The following KCNC2 variants were observed in gnomAD, a reference collection of about 807,000 sequenced individuals.
The protein encoded by KCNC2 is potassium voltage-gated channel subfamily C member 2.
Under a neutral mutation model 44.5 loss-of-function variants are expected in KCNC2, and 21 were observed. The ratio of observed to expected loss-of-function variants is 0.47; its 90% CI spans 0.33 to 0.68. The LOEUF is 0.68. Among genes scored for constraint, KCNC2 ranks in the 30% least tolerant of loss-of-function variants. The pLI is 0.01. For synonymous variants in KCNC2, 391 were observed against 339.1 expected (o/e 1.15, Z -1.68); for missense variants, 589 against 826.2 (o/e 0.71, Z 3.52).
chr12:75,195,394 G>A (rs1246820703), intron 2 of KCNC2, among the ~76,000 whole-genome samples: 1 of 152,032 alleles, frequency 6.6e-6, no homozygotes, highest in Non-Finnish European at 1.5e-5. Context: ...AAATATTATA[G>A]TGTTAAATCT....
intron 2 of KCNC2, among the ~76,000 whole-genome samples, chr12:75,104,772 T>C (rs1349377987): frequency 3.3e-5 from 5 of 152,180 alleles, no homozygotes; most frequent in Admixed American, 2.0e-4. Flanking sequence ...AGAAGTTAAG[T>C]AACTTGCCCA....
intron 2 of KCNC2, among the ~76,000 whole-genome samples, chr12:75,178,997 CAAACAAACA>C (rs555128910): frequency 1.7e-3 from 257 of 151,608 alleles, no homozygotes; most frequent in African/African-American, 5.9e-3. Flanking sequence ...AACAAACAAA[CAAACAAACA>C]AAACAGTAGA....
rs544728582 is a variant in KCNC2 at position 75,104,565 on chromosome 12, G to A, written c.688-53248C>T. Among the ~76,000 whole-genome samples the A allele has an allele frequency of 2.6e-4, 39 of 152,084 alleles. No homozygotes were observed. The South Asian group carries it at 5.6e-3, about 22-fold the overall frequency. On this transcript the variant is annotated intron_variant, in intron 2 of 4. Transcript: ENST00000549446. ...GTATATTCAAATGAGTTCAGTAGCC[G>A]CCAATATACTTTAATTCTGAGCATG...
chr12:75,043,629 AG>A, intron 4 of KCNC2: 2 of 1,246,514 alleles, frequency 1.6e-6, no homozygotes, highest in Non-Finnish European at 2.0e-6. Flanking sequence ...AGAAATAAGT[AG>A]GCTACTTTTT....
At chr12:75,172,950 A>G (rs1020021951) in intron 2 of KCNC2, among the ~76,000 whole-genome samples, 1 of 151,908 alleles carries the variant, frequency 6.6e-6, no homozygotes, top group Admixed American at 6.6e-5. Context: ...TAGAATTCTG[A>G]GAAAAGCAAA....
chr12:75,199,816 T>C (rs573961014), intron 2 of KCNC2, among the ~76,000 whole-genome samples: 26 of 151,926 alleles, frequency 1.7e-4, no homozygotes, highest in Middle Eastern at 3.4e-3. Flanking sequence ...TAGAAAAACG[T>C]ATTATAAAAG....
At chr12:75,184,199 C>T (rs904606180) in intron 2 of KCNC2, among the ~76,000 whole-genome samples, 2 of 152,150 alleles carry the variant, frequency 1.3e-5, no homozygotes, top group African/African-American at 2.4e-5. Context: ...TTATAAGACT[C>T]GTGTAGTCTC....
At chr12:75,125,978 AT>A (rs1324623768) in intron 2 of KCNC2, among the ~76,000 whole-genome samples, 2 of 152,064 alleles carry the variant, frequency 1.3e-5, no homozygotes, top group Admixed American at 6.6e-5. Context: ...ATATTATCTC[AT>A]TTTTTATAAT....
chr12:75,165,387 CAT>C (rs539727452), intron 2 of KCNC2, among the ~76,000 whole-genome samples: 194 of 151,536 alleles, frequency 1.3e-3, no homozygotes, highest in African/African-American at 4.5e-3. Context: ...ATTCTATTTT[CAT>C]ATGTTATCTC....
intron 2 of KCNC2, among the ~76,000 whole-genome samples, chr12:75,073,633 C>T (rs1883631632): frequency 6.6e-6 from 1 of 152,088 alleles, no homozygotes; most frequent in African/African-American, 2.4e-5. Context: ...GTGAATTATT[C>T]ATATAAACTA....
intron 2 of KCNC2, among the ~76,000 whole-genome samples, chr12:75,084,294 A>AGATAGATAGATAGAT (rs1565840440): frequency 5.8e-4 from 71 of 122,838 alleles, no homozygotes; most frequent in African/African-American, 2.0e-3. Context: ...GATAGATGAT[A>AGATAGATAGATAGAT]GATAGATAGA....
At chr12:75,149,729 G>GA (rs142355640) in intron 2 of KCNC2, among the ~76,000 whole-genome samples, 2,608 of 144,204 alleles carry the variant, frequency 0.018, 32 homozygotes, top group African/African-American at 0.038. Context: ...TACCTGCTTT[G>GA]AAAAAAAAAA....
chr12:75,127,195 G>A (rs980051170), intron 2 of KCNC2, among the ~76,000 whole-genome samples: 5 of 152,118 alleles, frequency 3.3e-5, no homozygotes, highest in Admixed American at 6.5e-5. Flanking sequence ...TTAACAAAGC[G>A]AGAATTAGTA....
intron 2 of KCNC2, among the ~76,000 whole-genome samples, chr12:75,143,990 A>G (rs1889839613): frequency 6.6e-6 from 1 of 152,168 alleles, no homozygotes; most frequent in African/African-American, 2.4e-5. Context: ...ATTTCATGGG[A>G]GTGAAGATTA....
intron 2 of KCNC2, among the ~76,000 whole-genome samples, chr12:75,081,686 T>G (rs879464170): frequency 4.6e-5 from 7 of 152,050 alleles, no homozygotes; most frequent in Non-Finnish European, 1.0e-4. Context: ...AGAGTCATAC[T>G]TATGTAATAA....
intron 2 of KCNC2, among the ~76,000 whole-genome samples, chr12:75,057,302 T>C (rs117660661): frequency 2.1e-3 from 312 of 152,148 alleles, no homozygotes; most frequent in Non-Finnish European, 2.3e-3. Flanking sequence ...GAGTTTGTTG[T>C]TCATAGAACT....
At chr12:75,192,387 C>G (rs1217185825) in intron 2 of KCNC2, among the ~76,000 whole-genome samples, 2 of 152,068 alleles carry the variant, frequency 1.3e-5, no homozygotes, top group African/African-American at 2.4e-5. Context: ...GTCCCACCGG[C>G]GATGTTTCTG....
intron 2 of KCNC2, among the ~76,000 whole-genome samples, chr12:75,106,386 C>T (rs1216731885): frequency 6.6e-6 from 1 of 152,096 alleles, no homozygotes; most frequent in Non-Finnish European, 1.5e-5. Context: ...AATTAACCAC[C>T]ATATGATTCT....
chr12:75,182,962 T>A (rs1451948485), intron 2 of KCNC2, among the ~76,000 whole-genome samples: 2 of 152,198 alleles, frequency 1.3e-5, no homozygotes, highest in Non-Finnish European at 2.9e-5. Context: ...GGACATGAGA[T>A]GAATGAAGCA....
Sources: gnomAD v4.1 joint callset for allele counts (sites outside exome capture counted in the v4.1 genomes callset) on GRCh38, gnomAD v4.1.1 for gene constraint, MANE v1.5 for transcripts, NCBI Gene and HGNC (gene_info 2026-07-23, HGNC 2026-07-21) for gene names.